Variants in FAM117B observed in about 807,000 individuals in gnomAD.
FAM117B encodes the protein protein FAM117B.
FAM117B carries 22 observed loss-of-function variants against 52.8 expected under a neutral mutation model. That is an observed-to-expected ratio of 0.42 (90% CI 0.30 to 0.59). The LOEUF (loss-of-function observed/expected upper bound fraction) is 0.59, where lower values mean the gene tolerates loss of function less well. FAM117B is among the 20% of genes least tolerant of loss of function. FAM117B has a pLI of 0.22. For missense variants in FAM117B, 678 were observed against 802.6 expected, an observed-to-expected ratio of 0.84 and a Z score of 1.88; for synonymous variants, 309 against 324.1, an observed-to-expected ratio of 0.95 and a Z score of 0.50.
chr2:202,675,464 A>G (rs1690364476), intron 1 of FAM117B, among the ~76,000 whole-genome samples: 2 of 150,876 alleles, frequency 1.3e-5, no homozygotes, highest in South Asian at 2.1e-4. Flanking sequence ...AAAAAAAAAA[A>G]AAAAGGCCAA....
intron 4 of FAM117B, among the ~76,000 whole-genome samples, chr2:202,732,124 C>G (rs1417170667): frequency 6.6e-6 from 1 of 151,104 alleles, no homozygotes; most frequent in Admixed American, 6.6e-5. Flanking sequence ...CTCCTGGCCT[C>G]AGGTGATCCA....
chr2:202,648,544 T>C (rs1417295577), intron 1 of FAM117B, among the ~76,000 whole-genome samples: 2 of 113,460 alleles, frequency 1.8e-5, no homozygotes, highest in African/African-American at 6.4e-5. Context: ...AAAAAATACA[T>C]ATATATATAT....
In FAM117B at chr2:202,765,912, C is replaced by A; in HGVS notation, c.*148C>A. ...GGCGAGGCTTCTGGAAGAAAGGATCCCCCGTGACGGCTCTGCCCCACTTGT... is the reference window on the plus strand; with the variant it reads ...GGCGAGGCTTCTGGAAGAAAGGATCACCCGTGACGGCTCTGCCCCACTTGT... On this transcript the variant is annotated 3_prime_UTR_variant, in exon 8 of 8. Coordinates refer to ENST00000392238, the MANE Select transcript of FAM117B (RefSeq NM_173511.4). 1 of 824,088 alleles carries A rather than the reference C, an allele frequency of 1.2e-6. No individual in the cohort carries two copies. The highest frequency in any genetic ancestry group is 1.9e-6 in the Non-Finnish European group (1 of 538,624). The allele number at this position is 824,088 out of a possible 1,614,324, so 51.0% of individuals were successfully genotyped here. A position where few individuals can be genotyped will look rare whatever the true frequency, so the allele number is the denominator to read the frequency against.
Position 202,635,420 on chromosome 2 carries a change from G to A in FAM117B, c.233G>A (p.Gly78Asp). The A allele has an allele frequency of 8.3e-7, 1 of 1,209,368 alleles. No individual in the cohort carries two copies. 74.9% of individuals were successfully genotyped at this position (1,209,368 alleles called of 1,614,324 possible). A position where few individuals can be genotyped will look rare whatever the true frequency, so the allele number is the denominator to read the frequency against. Residue 78 changes from glycine (G) to aspartate (D), a missense_variant, in exon 1 of 8, where the codon GGC (glycine) becomes GAC (aspartate). Physicochemically the swap from Gly to Asp is moderately conservative, Grantham distance 94 (BLOSUM62 -1). Around this residue, in one of 3 missense-constraint regions of FAM117B, gnomAD observed 583 missense variants for 644.8 expected, o/e 0.90. Transcript: ENST00000392238. Reference sequence around the variant, plus strand: ...TGTGGTGGCGCCTCAGGCCCCGCAGGCGGCGGCGGCGGCGGTGGCCCGCGC... The same window carrying A: ...TGTGGTGGCGCCTCAGGCCCCGCAGACGGCGGCGGCGGCGGTGGCCCGCGC... ...GCCGGASGPA[G>D]GGGGGGPRTA...
intron 4 of FAM117B, among the ~76,000 whole-genome samples, chr2:202,752,336 G>A (rs545294897): frequency 2.4e-4 from 37 of 151,922 alleles, no homozygotes; most frequent in Non-Finnish European, 3.8e-4. Context: ...GCACTTCTGC[G>A]TGGAGCTTCC....
chr2:202,663,892 C>A (rs1690166360), intron 1 of FAM117B, among the ~76,000 whole-genome samples: 1 of 152,078 alleles, frequency 6.6e-6, no homozygotes, highest in Admixed American at 6.6e-5. Context: ...CCCCATTAAG[C>A]TTTTTATATA....
chr2:202,754,293 C>T (rs1055161553), intron 4 of FAM117B, among the ~76,000 whole-genome samples: 3 of 152,120 alleles, frequency 2.0e-5, no homozygotes, highest in African/African-American at 4.8e-5. Flanking sequence ...CTGAACACCG[C>T]ATGTTCTCAC....
chr2:202,653,217 A>G (rs954062033), intron 1 of FAM117B, among the ~76,000 whole-genome samples: 5 of 152,182 alleles, frequency 3.3e-5, no homozygotes, highest in Non-Finnish European at 7.4e-5. Context: ...GCAGTGAGCC[A>G]TGATCATGCC....
intron 4 of FAM117B, among the ~76,000 whole-genome samples, chr2:202,753,008 A>G (rs1691749342): frequency 6.6e-6 from 1 of 152,238 alleles, no homozygotes; most frequent in Non-Finnish European, 1.5e-5. Context: ...ACAGAATTAG[A>G]AAAACTATTT....
intron 1 of FAM117B, among the ~76,000 whole-genome samples, chr2:202,662,217 A>G (rs1034842411): frequency 2.2e-4 from 34 of 152,216 alleles, no homozygotes; most frequent in Admixed American, 1.3e-3. Flanking sequence ...ACAGAATGAA[A>G]TCTTGTCATT....
chr2:202,645,327 C>T (rs957554428), intron 1 of FAM117B, among the ~76,000 whole-genome samples: 20 of 150,234 alleles, frequency 1.3e-4, no homozygotes, highest in Admixed American at 7.3e-4. Flanking sequence ...GTCTCGCTGT[C>T]GCCCAGGCTG....
chr2:202,689,498 A>G (rs1690590406), intron 1 of FAM117B, among the ~76,000 whole-genome samples: 1 of 152,138 alleles, frequency 6.6e-6, no homozygotes, highest in Admixed American at 6.5e-5. Context: ...TAACACTCTT[A>G]GGTTTCTTTA....
At chr2:202,745,586 C>T (rs1419701540) in intron 4 of FAM117B, among the ~76,000 whole-genome samples, 1 of 152,180 alleles carries the variant, frequency 6.6e-6, no homozygotes, top group Non-Finnish European at 1.5e-5. Flanking sequence ...AAGTGACTGA[C>T]AGGAGTAAGT....
At chr2:202,726,177 C>T (rs1691241801) in intron 3 of FAM117B, 73 bp from the exon 4 acceptor site, 2 of 969,236 alleles carry the variant, frequency 2.1e-6, no homozygotes, top group African/African-American at 3.3e-5. Context: ...TTTACTGGTT[C>T]TTATTAAGCA....
At chr2:202,676,456 C>A (rs1478503189) in intron 1 of FAM117B, among the ~76,000 whole-genome samples, 1 of 151,486 alleles carries the variant, frequency 6.6e-6, no homozygotes, top group East Asian at 1.9e-4. Context: ...CTCAGCTCAC[C>A]ACAACCTTTG....
At chr2:202,747,100 C>G (rs1691646687) in intron 4 of FAM117B, among the ~76,000 whole-genome samples, 4 of 152,080 alleles carry the variant, frequency 2.6e-5, no homozygotes, top group Admixed American at 2.6e-4. Flanking sequence ...GGGATTTATT[C>G]CAGTGATGCA....
chr2:202,763,143 C>G (rs554629737), intron 7 of FAM117B, among the ~76,000 whole-genome samples: 17 of 145,334 alleles, frequency 1.2e-4, no homozygotes, highest in African/African-American at 4.4e-4. Flanking sequence ...GTGATCTTGG[C>G]TCACTGCAAG....
chr2:202,698,091 G>A (rs1431489073), intron 2 of FAM117B, among the ~76,000 whole-genome samples: 2 of 151,844 alleles, frequency 1.3e-5, no homozygotes, highest in Admixed American at 6.6e-5. Context: ...TGCTTATCTC[G>A]AACTCCTGAC....
intron 4 of FAM117B, among the ~76,000 whole-genome samples, chr2:202,748,170 A>C (rs1574302798): frequency 6.6e-6 from 1 of 152,216 alleles, no homozygotes; most frequent in Non-Finnish European, 1.5e-5. Flanking sequence ...CAGAAGTGCT[A>C]AGAACATACA....
Sources: allele counts gnomAD v4.1 joint callset (sites outside exome capture counted in the v4.1 genomes callset), GRCh38; gene constraint gnomAD v4.1.1; regional missense constraint gnomAD v4.1.1; transcripts MANE v1.5; gene names NCBI Gene and HGNC (gene_info 2026-07-23, HGNC 2026-07-21).